BACH2: variants seen among roughly 807,000 people sequenced by gnomAD.
The protein encoded by BACH2 is transcription regulator protein BACH2.
BACH2 carries 5 observed loss-of-function variants against 61.8 expected under a neutral mutation model. That is an observed-to-expected ratio of 0.08 (90% CI 0.04 to 0.17). The LOEUF is 0.17. BACH2 is among the 10% of genes least tolerant of loss of function. BACH2 has a pLI of 1.00. For synonymous variants in BACH2, 446 were observed against 440.1 expected (o/e 1.01, Z -0.17); for missense variants, 824 against 1,091.1 (o/e 0.76, Z 3.45).
intron 4 of BACH2, among the ~76,000 whole-genome samples, chr6:90,099,771 A>C (rs185123974): frequency 2.0e-5 from 3 of 152,244 alleles, no homozygotes; most frequent in African/African-American, 7.2e-5. Context: ...TAACAGGTTT[A>C]TTGAGATATA....
chr6:90,208,462 T>G (rs1180604831), intron 3 of BACH2, among the ~76,000 whole-genome samples: 1 of 152,194 alleles, frequency 6.6e-6, no homozygotes, highest in Non-Finnish European at 1.5e-5. Context: ...ATGCTCATCA[T>G]CACTGGTCAT....
chr6:89,994,546 G>C lies in BACH2; in HGVS notation c.243+14056C>G, dbSNP rs78360920. On this transcript the variant is annotated intron_variant, in intron 6 of 8. Coordinates refer to ENST00000257749, the MANE Select transcript of BACH2 (RefSeq NM_021813.4). ...GAAAGCCCATTCAGCCAAAGTTTAG[G>C]ACTTTGGTTCTTAGAAGAATGAAGA... Among the ~76,000 whole-genome samples, 1,023 of 152,254 alleles carry C rather than the reference G, an allele frequency of 6.7e-3. 24 individuals are homozygous for C. The East Asian group carries it at 0.08, about 12-fold the overall frequency.
chr6:90,116,356 G>A (rs1248195607), intron 4 of BACH2, among the ~76,000 whole-genome samples: 1 of 152,168 alleles, frequency 6.6e-6, no homozygotes, highest in African/African-American at 2.4e-5. Context: ...CATGGATGGA[G>A]CTGGAGGCTA....
intron 5 of BACH2, among the ~76,000 whole-genome samples, chr6:90,084,535 C>T (rs1203430056): frequency 7.1e-6 from 1 of 141,772 alleles, no homozygotes; most frequent in Non-Finnish European, 1.5e-5. Context: ...ATCTTTAATT[C>T]CAGTTTTTTT....
At chr6:90,065,270 C>CTTT (rs71027920) in intron 5 of BACH2, among the ~76,000 whole-genome samples, 2,129 of 52,642 alleles carry the variant, frequency 0.04, 364 homozygotes, top group East Asian at 0.082. Flanking sequence ...GCCGCCCCCA[C>CTTT]TTTTTTTTTT....
chr6:89,994,682 G>A (rs778193145), intron 6 of BACH2, among the ~76,000 whole-genome samples: 3 of 152,164 alleles, frequency 2.0e-5, no homozygotes, highest in African/African-American at 4.8e-5. Flanking sequence ...CACAAGCAAA[G>A]CCATACTACA....
At chr6:90,201,879 T>C (rs1259191029) in intron 4 of BACH2, among the ~76,000 whole-genome samples, 1 of 152,216 alleles carries the variant, frequency 6.6e-6, no homozygotes, top group African/African-American at 2.4e-5. Flanking sequence ...GATTGGACAT[T>C]TGGTGAAACA....
At chr6:90,265,325 A>G (rs1052400927) in intron 2 of BACH2, among the ~76,000 whole-genome samples, 1 of 152,252 alleles carries the variant, frequency 6.6e-6, no homozygotes, top group African/African-American at 2.4e-5. Context: ...AGAGTGCTCA[A>G]AATAGGATAC....
chr6:90,141,241 C>A (rs1251600130), intron 4 of BACH2, among the ~76,000 whole-genome samples: 1 of 152,092 alleles, frequency 6.6e-6, no homozygotes, highest in South Asian at 2.1e-4. Context: ...AGTGCAGGGG[C>A]GTGATCTCGG....
At chr6:89,972,407 A>G (rs906777150) in intron 6 of BACH2, among the ~76,000 whole-genome samples, 5 of 152,196 alleles carry the variant, frequency 3.3e-5, no homozygotes. Flanking sequence ...GAAGTCTGAG[A>G]GTATAGGCCA....
chr6:90,277,087 A>T (rs934237443), intron 1 of BACH2, among the ~76,000 whole-genome samples: 1 of 152,160 alleles, frequency 6.6e-6, no homozygotes, highest in Admixed American at 6.5e-5. Flanking sequence ...AGAGTGTCAC[A>T]AAGTCAAATT....
At chr6:90,096,485 T>C (rs1228060222) in intron 4 of BACH2, among the ~76,000 whole-genome samples, 1 of 152,242 alleles carries the variant, frequency 6.6e-6, no homozygotes, top group East Asian at 1.9e-4. Context: ...TCTTGGTCCA[T>C]GTAAGACCCA....
chr6:89,935,023 TAAAC>T (rs1249945147), intron 8 of BACH2, among the ~76,000 whole-genome samples: 2 of 152,048 alleles, frequency 1.3e-5, no homozygotes, highest in Admixed American at 6.5e-5. Context: ...AAATGAAAAA[TAAAC>T]AGATGTACAA....
At chr6:90,226,928 G>C (rs898113923) in intron 3 of BACH2, among the ~76,000 whole-genome samples, 4 of 152,300 alleles carry the variant, frequency 2.6e-5, no homozygotes, top group Admixed American at 1.3e-4. Context: ...CTCTCAAAAA[G>C]TATGCATTGA....
intron 4 of BACH2, among the ~76,000 whole-genome samples, chr6:90,131,736 T>TA: frequency 6.6e-6 from 1 of 152,310 alleles, no homozygotes; most frequent in East Asian, 1.9e-4. Flanking sequence ...CTGTGGAAAA[T>TA]ACAGCATTTC....
At chr6:90,065,416 G>T (rs1421132892) in intron 5 of BACH2, among the ~76,000 whole-genome samples, 1 of 151,434 alleles carries the variant, frequency 6.6e-6, no homozygotes, top group East Asian at 2.0e-4. Context: ...ATCCTAGAAT[G>T]GGGGGTAACA....
chr6:90,182,404 C>T (rs899066343), intron 4 of BACH2, among the ~76,000 whole-genome samples: 7 of 152,178 alleles, frequency 4.6e-5, no homozygotes, highest in South Asian at 2.1e-4. Context: ...TCAAATATCA[C>T]GTTCTCCGTC....
At chr6:89,935,405 G>A (rs1398312225) in intron 8 of BACH2, among the ~76,000 whole-genome samples, 1 of 152,144 alleles carries the variant, frequency 6.6e-6, no homozygotes, top group Non-Finnish European at 1.5e-5. Flanking sequence ...CATTACCCCG[G>A]CCAAAGCACG....
intron 5 of BACH2, among the ~76,000 whole-genome samples, chr6:90,027,900 T>A (rs1446988246): frequency 6.6e-6 from 1 of 152,254 alleles, no homozygotes; most frequent in African/African-American, 2.4e-5. Flanking sequence ...TTATATACAC[T>A]TGTAATTCTA....
Sources: allele counts gnomAD v4.1 joint callset (sites outside exome capture counted in the v4.1 genomes callset), GRCh38; gene constraint gnomAD v4.1.1; transcripts MANE v1.5; gene names NCBI Gene and HGNC (gene_info 2026-07-23, HGNC 2026-07-21).